The following CGN variants were observed in gnomAD, a reference collection of about 807,000 sequenced individuals.
CGN encodes the protein cingulin.
Under a neutral mutation model 157.1 loss-of-function variants are expected in CGN, and 121 were observed. The ratio of observed to expected loss-of-function variants is 0.77; its 90% CI spans 0.66 to 0.90. The LOEUF (loss-of-function observed/expected upper bound fraction) is 0.90, where lower values mean the gene tolerates loss of function less well. Among genes scored for constraint, CGN ranks in the 40% least tolerant of loss-of-function variants. The pLI is 0.00. For synonymous variants in CGN, 535 were observed against 607.5 expected, an observed-to-expected ratio of 0.88 and a Z score of 1.76; for missense variants, 1,424 against 1,520.9, an observed-to-expected ratio of 0.94 and a Z score of 1.06.
intron 18 of CGN, 126 bp from the exon 19 acceptor site, chr1:151,536,111 C>T: frequency 2.7e-6 from 2 of 753,754 alleles, no homozygotes; most frequent in Admixed American, 2.0e-5. Context: ...TTGAATCTGC[C>T]CTGGATCCTG....
rs1368132560 is a variant in CGN at position 151,535,767 on chromosome 1, C to G, written c.3079-13C>G. On this transcript the variant is annotated splice_polypyrimidine_tract_variant and intron_variant, in intron 17 of 20. Transcript: ENST00000271636. The stretch of plus-strand genomic sequence containing the variant: ...GTGGAGTGCTAACTGTGGAGGCTTC[C>G]TGTCCCTCTCAGAACAAGGACCTGA... 3 of 1,612,858 alleles carry G rather than the reference C, an allele frequency of 1.9e-6. No homozygotes were observed. The highest frequency in any genetic ancestry group is 2.2e-5 in the East Asian group (1 of 44,886).
chr1:151,522,484 G>A (rs1664564264), intron 5 of CGN, among the ~76,000 whole-genome samples: 1 of 151,724 alleles, frequency 6.6e-6, no homozygotes, highest in African/African-American at 2.4e-5. Context: ...AATTAGTTGG[G>A]CATGGTGGCA....
At chr1:151,518,467 T>G in intron 1 of CGN, 39 bp from the exon 2 acceptor site, 1 of 1,507,838 alleles carries the variant, frequency 6.6e-7, no homozygotes, top group Non-Finnish European at 9.0e-7. Flanking sequence ...TAGTTTCTAG[T>G]GAAGTCTCTC....
rs546146879 is a variant in CGN at position 151,527,196 on chromosome 1, A to G, written c.1896+89A>G. On this transcript the variant is annotated intron_variant, in intron 10 of 20. Coordinates refer to ENST00000271636, the MANE Select transcript of CGN (RefSeq NM_020770.3). ...TGAGGGCCTTCTTGCTAGTGGGGCT[A>G]TCTCCTGTGTGCTTGGTTTCCAGGC... is the stretch of plus-strand genomic sequence containing the variant. 1.8e-4 allele frequency: 259 copies of G among 1,456,746 alleles called. 1 individual carries two copies. The African/African-American group carries it at 2.6e-3, about 15-fold the overall frequency. 90.2% of individuals were successfully genotyped at this position (1,456,746 alleles called of 1,614,324 possible).
Position 151,520,660 on chromosome 1 carries a change from A to C in CGN, c.1109A>C (p.Glu370Ala). 6.2e-7 allele frequency: 1 copy of C among 1,614,058 alleles called. No individual in the cohort carries two copies. Among genetic ancestry groups the C allele is most frequent in the African/African-American group, 1.3e-5 (1 of 75,048 alleles). Reference protein sequence around the residue: ...GQGELTRKVEELQRKLDEEVK... With the variant: ...GQGELTRKVEALQRKLDEEVK... Reference sequence around the variant, plus strand: ...GGTGAGCTTACCCGAAAAGTGGAGGAGCTACAGCGAAAGCTGGATGAAGAG... The same window carrying C: ...GGTGAGCTTACCCGAAAAGTGGAGGCGCTACAGCGAAAGCTGGATGAAGAG... The change falls in exon 5 of 21, where the codon GAG becomes GCG. Residue 370 changes from glutamate (E) to alanine (A), a missense_variant. Physicochemically the swap from Glu to Ala is moderately radical, Grantham distance 107. Coordinates refer to ENST00000271636, the MANE Select transcript of CGN (RefSeq NM_020770.3).
In CGN at chr1:151,527,119, T is replaced by C. The variant is rs763094926; in HGVS notation, c.1896+12T>C. On this transcript the variant is annotated intron_variant, in intron 10 of 20. Transcript: ENST00000271636. The stretch of plus-strand genomic sequence containing the variant: ...AGGTGCTCAAGAAGGTATTTGGGAA[T>C]TGGGGGGCAGAATGGTAGGTAGGGG... 5 of 1,613,830 alleles carry C rather than the reference T, an allele frequency of 3.1e-6. No individual in the cohort carries two copies. In the Admixed American group the frequency reaches 6.7e-5, roughly 22 times the overall value.
At position 151,518,923 on chromosome 1, in the gene CGN, C is replaced by T. The variant is rs911278116; in HGVS notation, c.404C>T (p.Ser135Phe). The change falls in exon 2 of 21, where the codon TCC (serine) becomes TTC (phenylalanine). Residue 135 changes from serine (S) to phenylalanine (F), a missense_variant. Ser to Phe is a radical substitution (Grantham distance 155). This residue lies in a region of CGN where 1,187 missense variants were observed against 1,217.6 expected (regional missense o/e 0.97). Transcript: ENST00000271636. ...GAYWNGKLLR[S>F]HSQASLAGPG... is the part of the protein sequence containing the mutation. ...TACTGGAATGGAAAGCTACTCCGTT[C>T]CCACTCCCAGGCCTCACTGGCAGGC... 38 of 1,614,050 alleles carry T rather than the reference C, an allele frequency of 2.4e-5. No individual in the cohort carries two copies. Among genetic ancestry groups the T allele is most frequent in the Middle Eastern group, 1.6e-4 (1 of 6,084 alleles).
At chr1:151,522,813 C>T (rs1474220573) in intron 5 of CGN, among the ~76,000 whole-genome samples, 1 of 151,700 alleles carries the variant, frequency 6.6e-6, no homozygotes, top group African/African-American at 2.4e-5. Flanking sequence ...ACTTAGGAGG[C>T]TGAGGCACGA....
chr1:151,526,032 C>T (rs1161945254), intron 9 of CGN, among the ~76,000 whole-genome samples: 1 of 151,526 alleles, frequency 6.6e-6, no homozygotes, highest in Non-Finnish European at 1.5e-5. Context: ...GCCACTACGC[C>T]CAGCTAATTT....
Position 151,524,898 on chromosome 1 carries a change from G to C in CGN, c.1614+12G>C, listed in dbSNP as rs895925324. 1.4e-5 allele frequency: 23 copies of C among 1,607,696 alleles called. No homozygotes were observed. The highest frequency in any genetic ancestry group is 2.0e-5 in the Non-Finnish European group (23 of 1,177,108). On this transcript the variant is annotated intron_variant, in intron 8 of 20. Transcript: ENST00000271636. This position sits in a 1 kb window ranked among gnomAD's most constrained non-coding sequence, Gnocchi z 4.4. ...AAGATGCAACCCAGGCATGTGACAA[G>C]AGCAGGGTCTGAGAGAGGAGGGCAC...
intron 1 of CGN, among the ~76,000 whole-genome samples, chr1:151,513,669 C>T (rs1664349244): frequency 6.6e-6 from 1 of 152,126 alleles, no homozygotes; most frequent in African/African-American, 2.4e-5. Context: ...GCCAGAAGTC[C>T]AGATACCCTG....
At chr1:151,528,564 A>G (rs1664754111) in intron 10 of CGN, among the ~76,000 whole-genome samples, 1 of 150,750 alleles carries the variant, frequency 6.6e-6, no homozygotes, top group Admixed American at 6.6e-5. Flanking sequence ...TTACAGGCAC[A>G]CACCACCACG....
intron 6 of CGN, 139 bp downstream of exon 6, chr1:151,523,700 C>G (rs1664596883): frequency 6.5e-6 from 5 of 774,406 alleles, no homozygotes; most frequent in Non-Finnish European, 1.0e-5. Flanking sequence ...GGTTTAAGGA[C>G]AGGATAGGGC....
At position 151,524,419 on chromosome 1, in the gene CGN, C is replaced by T; in HGVS notation, c.1401+61C>T. The T allele has an allele frequency of 6.2e-7, 1 of 1,600,308 alleles. No individual in the cohort carries two copies. The highest frequency in any genetic ancestry group is 1.1e-5 in the South Asian group (1 of 89,910). On this transcript the variant is annotated intron_variant, in intron 7 of 20. Coordinates refer to ENST00000271636, the MANE Select transcript of CGN (RefSeq NM_020770.3). The surrounding 1 kb of genome is among the most constrained non-coding windows in gnomAD (Gnocchi z 4.4). ...TTTCTCAGTTGGAGCATCCTCAAGT[C>T]TGCTCATCCATGGTTTCCCCAAAGT...
At position 151,523,587 on chromosome 1, in the gene CGN, G is replaced by A. The variant is rs371354337; in HGVS notation, c.1268+26G>A. On this transcript the variant is annotated intron_variant, in intron 6 of 20. Coordinates refer to ENST00000271636, the MANE Select transcript of CGN (RefSeq NM_020770.3). ...GTGAGTGCAGCTGGTGGCGCACCTCGGGCTGCTTGGGGGCCTAGGCCAGGT... is the reference window on the plus strand; with the variant it reads ...GTGAGTGCAGCTGGTGGCGCACCTCAGGCTGCTTGGGGGCCTAGGCCAGGT... 7.9e-5 allele frequency: 125 copies of A among 1,573,808 alleles called. 1 individual carries two copies. In the Middle Eastern group the frequency reaches 8.0e-4, roughly 10 times the overall value.
rs200195350 is a variant in CGN, at chr1:151,530,607, G to T, written c.2432G>T (p.Arg811Leu). ...RLEEAQRGLARLGQEQQTLNR... is the reference protein window; with the variant it reads ...RLEEAQRGLALLGQEQQTLNR... ...GAGGAGGCTCAGCGGGGGCTGGCCCGCCTGGGGCAGGAGCAGCAGACACTG... is the reference window on the plus strand; with the variant it reads ...GAGGAGGCTCAGCGGGGGCTGGCCCTCCTGGGGCAGGAGCAGCAGACACTG... Residue 811 changes from arginine to leucine, a missense_variant, in exon 13 of 21, where the codon CGC becomes CTC. This residue lies in a region of CGN where 1,187 missense variants were observed against 1,217.6 expected (regional missense o/e 0.97). Coordinates refer to ENST00000271636, the MANE Select transcript of CGN (RefSeq NM_020770.3). 1.8e-4 allele frequency: 297 copies of T among 1,610,804 alleles called. 5 individuals are homozygous for T. In the East Asian group the frequency reaches 6.4e-3, roughly 35 times the overall value.
chr1:151,525,784 A>AGCAG lies in CGN; in HGVS notation c.1759_1762dup (p.Glu588AlafsTer34). On this transcript the variant is annotated frameshift_variant, in exon 9 of 21. Coordinates refer to ENST00000271636, the MANE Select transcript of CGN (RefSeq NM_020770.3). LOFTEE classifies it high-confidence loss of function. Reference sequence around the variant, plus strand: ...AACAAGGAGGATCTTAGAGCCACCAAGCAGGAGTAAGGACATTGGCCCTCT... The same window carrying AGCAG: ...AACAAGGAGGATCTTAGAGCCACCAAGCAGGCAGGAGTAAGGACATTGGCCCTCT... 15 of 1,597,728 alleles carry AGCAG rather than the reference A, an allele frequency of 9.4e-6. No homozygotes were observed. Among genetic ancestry groups the AGCAG allele is most frequent in the Non-Finnish European group, 1.2e-5 (14 of 1,171,586 alleles).
At chr1:151,531,433 T>G (rs1422487932) in intron 13 of CGN, among the ~76,000 whole-genome samples, 1 of 152,222 alleles carries the variant, frequency 6.6e-6, no homozygotes, top group Admixed American at 6.5e-5. Flanking sequence ...GGCTTGTTCC[T>G]CAGTTTCTCT....
At chr1:151,520,360 T>A in intron 3 of CGN, 54 bp from the exon 4 acceptor site, 2 of 1,573,362 alleles carry the variant, frequency 1.3e-6, no homozygotes, top group Non-Finnish European at 1.7e-6. Context: ...CCTTTCCTGA[T>A]CTCTGCTACC....
Sources: allele counts gnomAD v4.1 joint callset (sites outside exome capture counted in the v4.1 genomes callset), GRCh38; gene constraint gnomAD v4.1.1; regional missense constraint gnomAD v4.1.1; non-coding constraint Gnocchi (gnomAD v3.1); transcripts MANE v1.5; gene names NCBI Gene and HGNC (gene_info 2026-07-23, HGNC 2026-07-21).